RAB11FIP4: variants seen among roughly 807,000 people sequenced by gnomAD.
RAB11FIP4 encodes the protein rab11 family-interacting protein 4.
In RAB11FIP4, 23 loss-of-function variants were observed where a neutral mutation model predicts 74.3. That is an observed-to-expected ratio of 0.31 (90% CI 0.22 to 0.44). The LOEUF is 0.44. Among genes scored for constraint, RAB11FIP4 ranks in the 20% least tolerant of loss-of-function variants. The pLI, the probability that RAB11FIP4 is intolerant of heterozygous loss-of-function variation, is 1.00. For missense variants in RAB11FIP4, 630 were observed against 863.9 expected (o/e 0.73, Z 3.39); for synonymous variants, 360 against 359.9 (o/e 1.00, Z 0.00).
At chr17:31,454,627 TA>T (rs1334254028) in intron 3 of RAB11FIP4, among the ~76,000 whole-genome samples, 3 of 151,126 alleles carry the variant, frequency 2.0e-5, no homozygotes, top group African/African-American at 7.3e-5. Context: ...CTCATGCCTG[TA>T]ATCCCAGCAC....
Position 31,537,078 on chromosome 17 carries a change from G to A in RAB11FIP4, c.*5346G>A, listed in dbSNP as rs769476211. 3.5e-5 allele frequency: 14 copies of A among 399,336 alleles called. No individual in the cohort carries two copies. Among genetic ancestry groups the A allele is most frequent in the African/African-American group, 1.2e-4 (6 of 48,644 alleles). 24.7% of individuals were successfully genotyped at this position (399,336 alleles called of 1,614,324 possible). The stretch of plus-strand genomic sequence containing the variant: ...CCCTGCCTCCTGCTGGGGCCCATCC[G>A]CTTTGCTGTGCTGCACAGGCTGTTT... On this transcript the variant is annotated 3_prime_UTR_variant, in exon 15 of 15. Coordinates refer to ENST00000621161, the MANE Select transcript of RAB11FIP4 (RefSeq NM_032932.6).
chr17:31,412,986 A>G (rs2071112863), intron 1 of RAB11FIP4, among the ~76,000 whole-genome samples: 2 of 152,172 alleles, frequency 1.3e-5, no homozygotes, highest in East Asian at 1.9e-4. Flanking sequence ...CTCACTTGCC[A>G]TCTTGTGTTG....
intron 1 of RAB11FIP4, among the ~76,000 whole-genome samples, chr17:31,430,581 G>A (rs1019995396): frequency 2.0e-5 from 3 of 151,728 alleles, no homozygotes; most frequent in Non-Finnish European, 4.4e-5. Context: ...GGATGGTCTC[G>A]ATCTCCTGAC....
At position 31,537,230 on chromosome 17, in the gene RAB11FIP4, C is replaced by G. The variant is rs1399442300; in HGVS notation, c.*5498C>G. Reference sequence around the variant, plus strand: ...TCATCTCCCTGGCCTTTCCCGAGCCCTGTAAATGTGTACTTTTTCAACGTG... The same window carrying G: ...TCATCTCCCTGGCCTTTCCCGAGCCGTGTAAATGTGTACTTTTTCAACGTG... On this transcript the variant is annotated 3_prime_UTR_variant, in exon 15 of 15. Transcript: ENST00000621161. The G allele has an allele frequency of 1.5e-4, 59 of 399,220 alleles. No homozygotes were observed. The East Asian group carries it at 2.0e-3, about 13-fold the overall frequency. 24.7% of individuals were successfully genotyped at this position (399,220 alleles called of 1,614,324 possible).
At position 31,532,458 on chromosome 17, in the gene RAB11FIP4, GT is replaced by G. The variant is rs1160616018; in HGVS notation, c.*730del. ...TACCTACCTCCCCGTTTCTGTTTCA[GT>G]TTTAAGACAATGAAGCAGCATTCAC... On this transcript the variant is annotated 3_prime_UTR_variant, in exon 15 of 15. Coordinates refer to ENST00000621161, the MANE Select transcript of RAB11FIP4 (RefSeq NM_032932.6). The G allele has an allele frequency of 1.3e-5, 2 of 152,670 alleles. No homozygotes were observed. Among genetic ancestry groups the G allele is most frequent in the Non-Finnish European group, 2.9e-5 (2 of 68,076 alleles). 9.5% of individuals were successfully genotyped at this position (152,670 alleles called of 1,614,324 possible).
intron 6 of RAB11FIP4, 24 bp from the exon 7 acceptor site, chr17:31,522,336 T>C: frequency 6.2e-7 from 1 of 1,613,094 alleles, no homozygotes; most frequent in Non-Finnish European, 8.5e-7. Flanking sequence ...CTCTGTTCAA[T>C]GACTGTTTCC....
At chr17:31,393,960 G>C (rs2070903153) in intron 1 of RAB11FIP4, among the ~76,000 whole-genome samples, 1 of 152,070 alleles carries the variant, frequency 6.6e-6, no homozygotes, top group Non-Finnish European at 1.5e-5. Context: ...GCTTAGGGTG[G>C]GGCTGCCTCT....
chr17:31,469,780 C>T (rs1415165392), intron 3 of RAB11FIP4, among the ~76,000 whole-genome samples: 11 of 152,172 alleles, frequency 7.2e-5, no homozygotes, highest in Non-Finnish European at 7.3e-5. Flanking sequence ...TTCTGCATGT[C>T]TATCCGTAAG....
chr17:31,462,214 C>T (rs867779160), intron 3 of RAB11FIP4, among the ~76,000 whole-genome samples: 3 of 151,518 alleles, frequency 2.0e-5, no homozygotes, highest in African/African-American at 4.9e-5. Context: ...TGCAGTGAGC[C>T]GAGATCGTGC....
intron 3 of RAB11FIP4, among the ~76,000 whole-genome samples, chr17:31,511,422 C>A (rs1369978911): frequency 1.3e-5 from 2 of 152,216 alleles, no homozygotes; most frequent in African/African-American, 4.8e-5. Context: ...AGTGACCACA[C>A]CAGAGTCGGC....
Position 31,521,245 on chromosome 17 carries a change from C to A in RAB11FIP4, c.643C>A (p.Gln215Lys). ...STTSLISNEE[Q>K]FEDYGEGDDV... ...CACCTCGCTCATCAGCAATGAGGAG[C>A]AGTTTGAAGACTATGGGGAGGGTGA... Residue 215 changes from glutamine (Q) to lysine (K), a missense_variant, in exon 5 of 15, where the codon CAG (glutamine) becomes AAG (lysine). Gln to Lys is a moderately conservative substitution (Grantham distance 53). Transcript: ENST00000621161. The A allele has an allele frequency of 1.9e-6, 3 of 1,614,008 alleles. No individual in the cohort carries two copies. The highest frequency in any genetic ancestry group is 1.7e-6 in the Non-Finnish European group (2 of 1,179,912).
chr17:31,452,933 T>C (rs1312308941), intron 3 of RAB11FIP4, among the ~76,000 whole-genome samples: 1 of 152,092 alleles, frequency 6.6e-6, no homozygotes, highest in Non-Finnish European at 1.5e-5. Context: ...ATTGCCCTAG[T>C]GTGGGATGGG....
At chr17:31,425,993 G>A (rs1032534659) in intron 1 of RAB11FIP4, among the ~76,000 whole-genome samples, 2 of 152,226 alleles carry the variant, frequency 1.3e-5, no homozygotes, top group African/African-American at 2.4e-5. Context: ...TGAAATGACG[G>A]GCTGGGTCAG....
intron 1 of RAB11FIP4, among the ~76,000 whole-genome samples, chr17:31,405,607 A>G (rs1387587089): frequency 6.6e-6 from 1 of 152,158 alleles, no homozygotes; most frequent in East Asian, 1.9e-4. Flanking sequence ...TCCTGACCTC[A>G]GGCGATCCGC....
At chr17:31,497,131 A>G (rs142849122) in intron 3 of RAB11FIP4, among the ~76,000 whole-genome samples, 6 of 152,306 alleles carry the variant, frequency 3.9e-5, no homozygotes, top group African/African-American at 1.2e-4. Context: ...TGGGAGGCCA[A>G]CGCGGGCGGA....
At chr17:31,434,161 C>A in intron 3 of RAB11FIP4, 39 bp downstream of exon 3, 1 of 1,482,596 alleles carries the variant, frequency 6.7e-7, no homozygotes, top group Non-Finnish European at 9.2e-7. Context: ...CATGGCTCTG[C>A]CTCCTCCTTC....
intron 1 of RAB11FIP4, among the ~76,000 whole-genome samples, chr17:31,400,651 G>A (rs1316242269): frequency 6.6e-6 from 1 of 152,240 alleles, no homozygotes; most frequent in Non-Finnish European, 1.5e-5. Context: ...GTGGAGCAGT[G>A]GCTGGATCTT....
chr17:31,392,126 A>C, intron 1 of RAB11FIP4, 115 bp downstream of exon 1: 36 of 729,396 alleles, frequency 4.9e-5, no homozygotes, highest in Non-Finnish European at 5.7e-5. Flanking sequence ...CTCCCTCCCA[A>C]TCCCCTCCCT....
rs2072951015 is a variant in RAB11FIP4 at position 31,535,914 on chromosome 17, G to A, written c.*4182G>A. 6.6e-6 allele frequency: 1 copy of A among 152,146 alleles called. No individual in the cohort carries two copies. Among genetic ancestry groups the A allele is most frequent in the South Asian group, 2.1e-4 (1 of 4,826 alleles). 9.4% of individuals were successfully genotyped at this position (152,146 alleles called of 1,614,324 possible). ...ACTGTCTTTGTGGGTTTTGCTTCTG[G>A]TCTGTTTCCTGACTGGGTTGATAAA... On this transcript the variant is annotated 3_prime_UTR_variant, in exon 15 of 15. Coordinates refer to ENST00000621161, the MANE Select transcript of RAB11FIP4 (RefSeq NM_032932.6).
Sources: gnomAD v4.1 joint callset for allele counts (sites outside exome capture counted in the v4.1 genomes callset) on GRCh38, gnomAD v4.1.1 for gene constraint, MANE v1.5 for transcripts, NCBI Gene and HGNC (gene_info 2026-07-23, HGNC 2026-07-21) for gene names.